The following GAS2 variants were observed in gnomAD, a reference collection of about 807,000 sequenced individuals.
The protein encoded by GAS2 is growth arrest-specific protein 2.
A neutral mutation model predicts 37.5 loss-of-function variants in GAS2; 20 were observed. The ratio of observed to expected loss-of-function variants is 0.53; its 90% CI spans 0.37 to 0.77. The LOEUF (loss-of-function observed/expected upper bound fraction) is 0.77. Ranked by LOEUF, GAS2 falls within the 30% of genes least tolerant of loss-of-function variation. The pLI, the probability that GAS2 is intolerant of heterozygous loss-of-function variation, is 0.00. For missense variants in GAS2, 336 were observed against 373.4 expected, an observed-to-expected ratio of 0.90 and a Z score of 0.82; for synonymous variants, 144 against 132.2, an observed-to-expected ratio of 1.09 and a Z score of -0.61.
At chr11:22,697,178 C>T (rs1185643492) in intron 3 of GAS2, among the ~76,000 whole-genome samples, 1 of 152,092 alleles carries the variant, frequency 6.6e-6, no homozygotes, top group Non-Finnish European at 1.5e-5. Context: ...CCAGTTTTCC[C>T]AGCACCATTT....
At chr11:22,801,554 A>G (rs1266024191) in intron 7 of GAS2, among the ~76,000 whole-genome samples, 1 of 152,084 alleles carries the variant, frequency 6.6e-6, no homozygotes, top group Non-Finnish European at 1.5e-5. Context: ...GACATGATGT[A>G]ATAAATCACT....
chr11:22,745,792 C>G (rs76771098), intron 5 of GAS2, among the ~76,000 whole-genome samples: 2,101 of 152,070 alleles, frequency 0.014, 57 homozygotes, highest in African/African-American at 0.048. Context: ...AAGACATGAA[C>G]AGACACTTAA....
chr11:22,754,916 C>T (rs1457727322), intron 6 of GAS2, among the ~76,000 whole-genome samples: 2 of 152,142 alleles, frequency 1.3e-5, no homozygotes, highest in South Asian at 2.1e-4. Context: ...TCAGACTGCA[C>T]ATCATTTACG....
At chr11:22,749,294 G>A (rs1853598904) in intron 6 of GAS2, 33 bp downstream of exon 6, 1 of 1,596,654 alleles carries the variant, frequency 6.3e-7, no homozygotes, top group South Asian at 1.1e-5. Flanking sequence ...CTTACCAACG[G>A]TTAGTCTTTC....
At chr11:22,800,151 G>C (rs887596387) in intron 7 of GAS2, among the ~76,000 whole-genome samples, 3 of 152,078 alleles carry the variant, frequency 2.0e-5, no homozygotes, top group Non-Finnish European at 4.4e-5. Context: ...TAGTAAGAAA[G>C]AATGTGGGAA....
At position 22,794,151 on chromosome 11, in the gene GAS2, T is replaced by C. The variant is rs1284285717; in HGVS notation, c.724-17647T>C. ...TGAAGAAAACATTTTCTTATGTAGA[T>C]ATTTTGGAAATATTTCTGTCTTCTT... On this transcript the variant is annotated intron_variant, in intron 7 of 7. Transcript: ENST00000454584. 2.6e-5 allele frequency among the ~76,000 whole-genome samples: 4 copies of C among 151,898 alleles called. No individual in the cohort carries two copies. In the East Asian group the frequency reaches 7.7e-4, roughly 29 times the overall value.
At chr11:22,647,104 G>A (rs1401209644) in intron 1 of GAS2, among the ~76,000 whole-genome samples, 6 of 121,928 alleles carry the variant, frequency 4.9e-5, no homozygotes, top group Non-Finnish European at 9.5e-5. Context: ...CCCAGAGTGT[G>A]ATGTTCCCCT....
chr11:22,724,349 CTCT>C (rs974440289), intron 3 of GAS2, among the ~76,000 whole-genome samples: 2 of 151,860 alleles, frequency 1.3e-5, no homozygotes, highest in Non-Finnish European at 2.9e-5. Flanking sequence ...TCTACCAGCT[CTCT>C]TGATGTATTT....
intron 1 of GAS2, among the ~76,000 whole-genome samples, chr11:22,644,067 T>C (rs1444993354): frequency 6.6e-6 from 1 of 152,212 alleles, no homozygotes. Flanking sequence ...AATATGCATG[T>C]ACATTACCTG....
intron 7 of GAS2, among the ~76,000 whole-genome samples, chr11:22,787,815 T>G (rs1453604991): frequency 6.6e-6 from 1 of 152,192 alleles, no homozygotes; most frequent in Admixed American, 6.5e-5. Flanking sequence ...TTTCTTTCAA[T>G]GTCAGGTATT....
At chr11:22,800,796 T>C (rs1388938968) in intron 7 of GAS2, among the ~76,000 whole-genome samples, 1 of 152,112 alleles carries the variant, frequency 6.6e-6, no homozygotes, top group East Asian at 1.9e-4. Flanking sequence ...AATATAAACA[T>C]GAACTTTTAA....
intron 4 of GAS2, among the ~76,000 whole-genome samples, chr11:22,736,723 C>T (rs1216553861): frequency 1.3e-5 from 2 of 152,126 alleles, no homozygotes; most frequent in East Asian, 3.9e-4. Context: ...AGCAATATTG[C>T]TCTTTTTCTT....
chr11:22,811,110 G>A (rs767221347), intron 7 of GAS2, among the ~76,000 whole-genome samples: 5 of 152,108 alleles, frequency 3.3e-5, no homozygotes, highest in African/African-American at 4.8e-5. Flanking sequence ...AAAGAATCAT[G>A]CATTCTTCAC....
intron 1 of GAS2, among the ~76,000 whole-genome samples, chr11:22,649,505 C>T (rs958344079): frequency 1.6e-4 from 24 of 152,016 alleles, no homozygotes; most frequent in Non-Finnish European, 2.1e-4. Context: ...CCAGTTCCTC[C>T]TTGTACCTCT....
chr11:22,718,577 T>A (rs190975785), intron 3 of GAS2, among the ~76,000 whole-genome samples: 1 of 151,892 alleles, frequency 6.6e-6, no homozygotes, highest in Admixed American at 6.6e-5. Context: ...ACTGCTCAAG[T>A]GATGGGTGCA....
At chr11:22,752,341 G>C (rs143700948) in intron 6 of GAS2, among the ~76,000 whole-genome samples, 1,877 of 152,002 alleles carry the variant, frequency 0.012, 37 homozygotes, top group African/African-American at 0.042. Flanking sequence ...CATTCTGTTT[G>C]ATAGGTTTTT....
At chr11:22,731,196 T>G (rs1852457521) in intron 4 of GAS2, 1 of 223,434 alleles carries the variant, frequency 4.5e-6, no homozygotes, top group Non-Finnish European at 9.1e-6. Context: ...GAAATTTGTT[T>G]ATTTTGTTTT....
intron 1 of GAS2, among the ~76,000 whole-genome samples, chr11:22,652,875 C>A (rs1385121405): frequency 6.6e-6 from 1 of 152,226 alleles, no homozygotes; most frequent in Non-Finnish European, 1.5e-5. Context: ...CAAAAATCAC[C>A]CGTCTTCTGC....
intron 7 of GAS2, among the ~76,000 whole-genome samples, chr11:22,768,458 C>T (rs1477518845): frequency 6.6e-6 from 1 of 152,180 alleles, no homozygotes; most frequent in Non-Finnish European, 1.5e-5. Flanking sequence ...CTTCTAATCT[C>T]CCAGCACTAC....
Sources: gnomAD v4.1 joint callset for allele counts (sites outside exome capture counted in the v4.1 genomes callset) on GRCh38, gnomAD v4.1.1 for gene constraint, MANE v1.5 for transcripts, NCBI Gene and HGNC (gene_info 2026-07-23, HGNC 2026-07-21) for gene names.